Variants in SLC5A5 observed in about 807,000 individuals in gnomAD.
The protein encoded by SLC5A5 is sodium/iodide cotransporter.
In SLC5A5, 56 loss-of-function variants were observed where a neutral mutation model predicts 68.6. That is an observed-to-expected ratio of 0.82 (90% confidence interval 0.66 to 1.02). SLC5A5 has a LOEUF of 1.02. Among genes scored for constraint, SLC5A5 ranks in the 50% least tolerant of loss-of-function variants. The pLI, the probability that SLC5A5 is intolerant of heterozygous loss-of-function variation, is 0.00. For synonymous variants in SLC5A5, 398 were observed against 373.0 expected (o/e 1.07, Z -0.77); for missense variants, 807 against 859.8 (o/e 0.94, Z 0.77).
chr19:17,875,807 C>A, intron 4 of SLC5A5, 145 bp from the exon 5 acceptor site: 2 of 762,380 alleles, frequency 2.6e-6, no homozygotes, highest in South Asian at 1.5e-5. Context: ...TTAATTCTTA[C>A]AACAACACAG....
Position 17,893,990 on chromosome 19 carries a change from A to G in SLC5A5, c.*113A>G, listed in dbSNP as rs2030308374. 9.3e-7 allele frequency: 1 copy of G among 1,075,964 alleles called. No homozygotes were observed. Among genetic ancestry groups the G allele is most frequent in the East Asian group, 2.6e-5 (1 of 38,786 alleles). The allele number at this position is 1,075,964 out of a possible 1,614,324, so 66.7% of individuals were successfully genotyped here. A position where few individuals can be genotyped will look rare whatever the true frequency, so the allele number is the denominator to read the frequency against. ...GATTGGCTGGATTGCCTTGTATGCA[A>G]ATGAGTTCAGGACTACAATACCCTA... On this transcript the variant is annotated 3_prime_UTR_variant, in exon 15 of 15. Coordinates refer to ENST00000222248, the MANE Select transcript of SLC5A5 (RefSeq NM_000453.3).
rs148009532 is a variant in SLC5A5 at position 17,876,863 on chromosome 19, C to G, written c.698+757C>G. ...GTGACAGAGAGAGACTCCGTCCCCC[C>G]CCTAAAAAAAAAAAAAATTAGCAGG... On this transcript the variant is annotated intron_variant, in intron 5 of 14. Coordinates refer to ENST00000222248, the MANE Select transcript of SLC5A5 (RefSeq NM_000453.3). Among the ~76,000 whole-genome samples the G allele has an allele frequency of 4.6e-4, 69 of 150,528 alleles. No homozygotes were observed. In the East Asian group the frequency reaches 0.012, roughly 26 times the overall value.
intron 1 of SLC5A5, 28 bp from the exon 2 acceptor site, chr19:17,874,110 C>T: frequency 1.3e-6 from 2 of 1,562,312 alleles, no homozygotes; most frequent in Non-Finnish European, 1.8e-6. Context: ...TAAGGACTGT[C>T]CAGGTGACCT....
chr19:17,879,726 C>G (rs1273696831), intron 7 of SLC5A5, among the ~76,000 whole-genome samples: 3 of 152,130 alleles, frequency 2.0e-5, no homozygotes, highest in Non-Finnish European at 4.4e-5. Flanking sequence ...CAGGGAGGGA[C>G]TGTACTCTCT....
chr19:17,894,809 C>T lies in SLC5A5; in HGVS notation c.*932C>T, dbSNP rs1347735846. The T allele has an allele frequency of 1.3e-5, 2 of 152,120 alleles. No homozygotes were observed. Among genetic ancestry groups the T allele is most frequent in the Non-Finnish European group, 2.9e-5 (2 of 68,080 alleles). The allele number at this position is 152,120 out of a possible 1,614,324, so 9.4% of individuals were successfully genotyped here. ...TGTGTCCCCCCAAAATTTATGTCTACCCAGAACCTCAGAACATGAGCTTAC... is the reference window on the plus strand; with the variant it reads ...TGTGTCCCCCCAAAATTTATGTCTATCCAGAACCTCAGAACATGAGCTTAC... On this transcript the variant is annotated 3_prime_UTR_variant, in exon 15 of 15. Coordinates refer to ENST00000222248, the MANE Select transcript of SLC5A5 (RefSeq NM_000453.3).
Position 17,880,871 on chromosome 19 carries a change from C to T in SLC5A5, c.976C>T (p.Pro326Ser), listed in dbSNP as rs988084972. The T allele has an allele frequency of 1.2e-6, 2 of 1,613,404 alleles. No individual in the cohort carries two copies. Among genetic ancestry groups the T allele is most frequent in the Non-Finnish European group, 1.7e-6 (2 of 1,179,758 alleles). Residue 326 changes from proline (P) to serine (S), a missense_variant, in exon 8 of 15, where the codon CCT (proline) becomes TCT (serine). By Grantham distance (74) the Pro-to-Ser change is moderately conservative. Coordinates refer to ENST00000222248, the MANE Select transcript of SLC5A5 (RefSeq NM_000453.3). ...GACCCCCAGTTCTCCCCAGTACATG[C>T]CTCTGCTGGTGCTGGACATCTTCGA... ...GRISAPDQYM[P>S]LLVLDIFEDL...
At chr19:17,880,810 T>A in intron 7 of SLC5A5, 55 bp from the exon 8 acceptor site, 1 of 1,308,430 alleles carries the variant, frequency 7.6e-7, no homozygotes, top group Non-Finnish European at 1.1e-6. Context: ...GACAGATAGA[T>A]GCCCCGGTCC....
At chr19:17,888,197 G>C (rs1246094664) in intron 12 of SLC5A5, 134 bp from the exon 13 acceptor site, 8 of 1,078,854 alleles carry the variant, frequency 7.4e-6, no homozygotes, top group Non-Finnish European at 1.1e-5. Flanking sequence ...GCACAGATCT[G>C]GGCAGACAGT....
rs538771186 is a variant in SLC5A5 at position 17,871,968 on chromosome 19, C to T, written c.-352C>T. ...CTGCTCCCGTAAGCCCCAAGGCGAC[C>T]TCCAGCTGTCAGCGCTGAGCACAGC... On this transcript the variant is annotated 5_prime_UTR_variant, in exon 1 of 15. Coordinates refer to ENST00000222248, the MANE Select transcript of SLC5A5 (RefSeq NM_000453.3). The T allele has an allele frequency of 1.3e-4, 41 of 318,630 alleles. No individual in the cohort carries two copies. The South Asian group carries it at 1.5e-3, about 12-fold the overall frequency. The allele number at this position is 318,630 out of a possible 1,614,324, so 19.7% of individuals were successfully genotyped here.
intron 5 of SLC5A5, among the ~76,000 whole-genome samples, chr19:17,877,216 T>C (rs959232665): frequency 1.2e-4 from 19 of 152,154 alleles, no homozygotes; most frequent in African/African-American, 4.6e-4. Context: ...CGTGGATAGA[T>C]GATTCAGTAA....
At position 17,878,413 on chromosome 19, in the gene SLC5A5, G is replaced by A. The variant is rs1054509616; in HGVS notation, c.969+320G>A. On this transcript the variant is annotated intron_variant, in intron 7 of 14. Transcript: ENST00000222248. Reference sequence around the variant, plus strand: ...CCGGCTACTCAGGAGGCTGAGGCAGGAGAATCTCTTGAACCCGGGAGGCGG... The same window carrying A: ...CCGGCTACTCAGGAGGCTGAGGCAGAAGAATCTCTTGAACCCGGGAGGCGG... Among the ~76,000 whole-genome samples, 5 of 152,218 alleles carry A rather than the reference G, an allele frequency of 3.3e-5. No homozygotes were observed. The East Asian group carries it at 9.7e-4, about 29-fold the overall frequency.
chr19:17,888,279 T>C, intron 12 of SLC5A5, 52 bp from the exon 13 acceptor site: 2 of 1,609,658 alleles, frequency 1.2e-6, no homozygotes, highest in Non-Finnish European at 1.7e-6. Flanking sequence ...AGCTTTTGAG[T>C]GCAGGCAGGG....
chr19:17,884,408 C>A (rs954169687), intron 12 of SLC5A5, among the ~76,000 whole-genome samples: 3 of 151,892 alleles, frequency 2.0e-5, no homozygotes, highest in African/African-American at 7.3e-5. Context: ...AGCAATCCTC[C>A]CAGCTTGAGG....
chr19:17,888,227 C>A, intron 12 of SLC5A5, 104 bp from the exon 13 acceptor site: 1 of 1,390,114 alleles, frequency 7.2e-7, no homozygotes, highest in Non-Finnish European at 1.0e-6. Context: ...CTGTGCTAGG[C>A]CATGGCAGTT....
intron 10 of SLC5A5, among the ~76,000 whole-genome samples, chr19:17,883,248 T>A (rs2094324883): frequency 6.6e-6 from 1 of 151,924 alleles, no homozygotes; most frequent in African/African-American, 2.4e-5. Flanking sequence ...CTAAGTTCTA[T>A]TTGATGCCAG....
intron 12 of SLC5A5, among the ~76,000 whole-genome samples, chr19:17,885,130 C>T (rs931852966): frequency 6.6e-6 from 1 of 151,728 alleles, no homozygotes; most frequent in East Asian, 1.9e-4. Flanking sequence ...CCTCAGCCCC[C>T]CTAGTTGCTG....
chr19:17,891,287 C>T (rs976059984), intron 14 of SLC5A5, among the ~76,000 whole-genome samples: 1 of 152,042 alleles, frequency 6.6e-6, no homozygotes, highest in Non-Finnish European at 1.5e-5. Context: ...CTCACTGCAA[C>T]CTCCACATCC....
chr19:17,874,396 C>A, intron 2 of SLC5A5, 98 bp from the exon 3 acceptor site: 1 of 1,263,886 alleles, frequency 7.9e-7, no homozygotes, highest in Non-Finnish European at 1.2e-6. Context: ...GGCCTATCTG[C>A]CCCGCCCATA....
chr19:17,872,751 G>T (rs2094297527), intron 1 of SLC5A5, 75 bp downstream of exon 1: 5 of 959,886 alleles, frequency 5.2e-6, no homozygotes, highest in Non-Finnish European at 8.3e-6. Context: ...AGGCGCTGGG[G>T]CTTTGGGCCG....
Sources: gnomAD v4.1 joint callset for allele counts (sites outside exome capture counted in the v4.1 genomes callset) on GRCh38, gnomAD v4.1.1 for gene constraint, MANE v1.5 for transcripts, NCBI Gene and HGNC (gene_info 2026-07-23, HGNC 2026-07-21) for gene names.